The following SYNE2 variants were observed in gnomAD, a reference collection of about 807,000 sequenced individuals.
SYNE2 encodes the protein nesprin-2.
SYNE2 carries 431 observed loss-of-function variants against 856.3 expected under a neutral mutation model. The ratio of observed to expected loss-of-function variants is 0.50; its 90% CI spans 0.47 to 0.55. The LOEUF (loss-of-function observed/expected upper bound fraction) is 0.55, where lower values mean the gene tolerates loss of function less well. Ranked by LOEUF, SYNE2 falls within the 20% of genes least tolerant of loss-of-function variation. The pLI is 0.00. For missense variants in SYNE2, 8,129 were observed against 8,023.2 expected (o/e 1.01, Z -0.50); for synonymous variants, 2,923 against 2,872.3 (o/e 1.02, Z -0.56).
intron 1 of SYNE2, among the ~76,000 whole-genome samples, chr14:63,805,439 T>C (rs560909296): frequency 2.7e-4 from 41 of 152,214 alleles, no homozygotes; most frequent in Non-Finnish European, 4.3e-4. Context: ...CAGGCTGTAG[T>C]GCAGTGGCGC....
At chr14:63,773,630 T>C (rs1887003386) in intron 1 of SYNE2, among the ~76,000 whole-genome samples, 1 of 152,196 alleles carries the variant, frequency 6.6e-6, no homozygotes, top group African/African-American at 2.4e-5. Flanking sequence ...AGTGCAATCA[T>C]ACCATGCTAT....
intron 89 of SYNE2, among the ~76,000 whole-genome samples, chr14:64,164,357 G>A (rs552796521): frequency 6.6e-6 from 1 of 152,176 alleles, no homozygotes; most frequent in South Asian, 2.1e-4. Flanking sequence ...TGATCCACCT[G>A]CCTTGGCCTC....
rs1567409946 is a variant in SYNE2, at chr14:64,134,051, AT to A, written c.14515-17del. On this transcript the variant is annotated splice_polypyrimidine_tract_variant and intron_variant, in intron 77 of 115. Coordinates refer to ENST00000555002, the MANE Select transcript of SYNE2 (RefSeq NM_182914.3). ...CTGGTAAAGGGCTTCCACTAATTTTATGTCCTTGATTCTCTAGAAATGGGAA... is the reference window on the plus strand; with the variant it reads ...CTGGTAAAGGGCTTCCACTAATTTTAGTCCTTGATTCTCTAGAAATGGGAA... 5 of 1,613,748 alleles carry A rather than the reference AT, an allele frequency of 3.1e-6. No individual in the cohort carries two copies. In the South Asian group the frequency reaches 5.5e-5, roughly 18 times the overall value.
chr14:64,149,134 G>A (rs907591977), intron 84 of SYNE2, among the ~76,000 whole-genome samples: 11 of 150,036 alleles, frequency 7.3e-5, no homozygotes, highest in African/African-American at 2.2e-4. Flanking sequence ...ATAAGACCCA[G>A]TCTCTACCAA....
chr14:64,040,079 A>G lies in SYNE2; in HGVS notation c.7222-7921A>G, dbSNP rs576643520. Among the ~76,000 whole-genome samples the G allele has an allele frequency of 3.3e-5, 5 of 152,330 alleles. No homozygotes were observed. In the South Asian group the frequency reaches 6.2e-4, roughly 19 times the overall value. ...GAGCAGGTCTAGCCAAGAAATTAACATGACAATCAGTCTCTAATCTGTCTG... is the reference window on the plus strand; with the variant it reads ...GAGCAGGTCTAGCCAAGAAATTAACGTGACAATCAGTCTCTAATCTGTCTG... On this transcript the variant is annotated intron_variant, in intron 45 of 115. Coordinates refer to ENST00000555002, the MANE Select transcript of SYNE2 (RefSeq NM_182914.3).
At chr14:64,034,128 CAT>C (rs1428549396) in intron 45 of SYNE2, among the ~76,000 whole-genome samples, 2 of 152,158 alleles carry the variant, frequency 1.3e-5, no homozygotes, top group Admixed American at 6.5e-5. Flanking sequence ...TGACAAATGA[CAT>C]AACTGTGTTA....
intron 41 of SYNE2, 65 bp from the exon 42 acceptor site, chr14:64,026,514 G>T: frequency 7.9e-7 from 1 of 1,268,442 alleles, no homozygotes; most frequent in East Asian, 2.4e-5. Context: ...TACAAATAAA[G>T]AGATAGCATG....
At chr14:63,948,166 T>TACAC (rs59063086) in intron 6 of SYNE2, among the ~76,000 whole-genome samples, 3,101 of 147,306 alleles carry the variant, frequency 0.021, 71 homozygotes, top group African/African-American at 0.064. Context: ...GACACACACA[T>TACAC]ACACACACAC....
At chr14:64,171,627 C>G (rs2098411251) in intron 94 of SYNE2, among the ~76,000 whole-genome samples, 1 of 152,118 alleles carries the variant, frequency 6.6e-6, no homozygotes, top group Non-Finnish European at 1.5e-5. Flanking sequence ...AGGCTTACTC[C>G]AAGTCCCCAA....
chr14:64,215,539 T>A, intron 107 of SYNE2, 185 bp downstream of exon 107: 1 of 696,692 alleles, frequency 1.4e-6, no homozygotes, highest in Non-Finnish European at 2.6e-6. Flanking sequence ...CAAAACCCCA[T>A]CCAAGCCAGA....
At chr14:64,178,740 C>A (rs1202035824) in intron 96 of SYNE2, among the ~76,000 whole-genome samples, 1 of 152,128 alleles carries the variant, frequency 6.6e-6, no homozygotes, top group Non-Finnish European at 1.5e-5. Context: ...AGGCGCCCAG[C>A]CTGCTGTCAA....
In SYNE2 at chr14:64,210,107, G is replaced by A. The variant is rs113434745; in HGVS notation, c.18706G>A (p.Val6236Ile). 4.6e-5 allele frequency: 75 copies of A among 1,613,676 alleles called. 2 individuals carry two copies. Among genetic ancestry groups the A allele is most frequent in the African/African-American group, 3.5e-4 (26 of 75,038 alleles). Residue 6236 changes from valine to isoleucine, a missense_variant, in exon 103 of 116, where the codon GTC becomes ATC. This residue lies in a region of SYNE2 where 5,410 missense variants were observed against 5,284.8 expected (regional missense o/e 1.02). Transcript: ENST00000555002. ...WDNLQRRVTA[V>I]LRRLRHFTNQ... is the part of the protein sequence containing the mutation. ...CAACCTTCAGAGGCGGGTCACAGCCGTCCTGCGGAGACTCAGGGTGAGCTC... is the reference window on the plus strand; with the variant it reads ...CAACCTTCAGAGGCGGGTCACAGCCATCCTGCGGAGACTCAGGGTGAGCTC...
chr14:64,221,419 G>T (rs926349340), intron 111 of SYNE2, 157 bp from the exon 112 acceptor site: 9 of 1,329,522 alleles, frequency 6.8e-6, no homozygotes, highest in South Asian at 1.3e-5. Flanking sequence ...CTCATTTTGG[G>T]GCCCTGGCAT....
intron 99 of SYNE2, 138 bp from the exon 100 acceptor site, chr14:64,202,663 T>C (rs2098579436): frequency 1.7e-6 from 2 of 1,146,214 alleles, no homozygotes; most frequent in Non-Finnish European, 2.5e-6. Context: ...TGTTCTGATA[T>C]AAAATCAAAG....
intron 21 of SYNE2, among the ~76,000 whole-genome samples, chr14:63,991,966 T>G (rs540861162): frequency 6.6e-6 from 1 of 152,140 alleles, no homozygotes; most frequent in Non-Finnish European, 1.5e-5. Context: ...CAACCCTGTT[T>G]TGGCCTACTG....
rs758188083 is a variant in SYNE2 at position 63,954,839 on chromosome 14, C to G, written c.711C>G (p.Ser237=). 16 of 1,613,868 alleles carry G rather than the reference C, an allele frequency of 9.9e-6. No homozygotes were observed. Among genetic ancestry groups the G allele is most frequent in the Non-Finnish European group, 1.4e-5 (16 of 1,179,906 alleles). Residue 237 remains serine (S), a synonymous_variant, in exon 8 of 116, where the codon TCC becomes TCG. Coordinates refer to ENST00000555002, the MANE Select transcript of SYNE2 (RefSeq NM_182914.3). ...ACATGAAGAGTGTGAAGCATAGATC[C>G]AACAAAGACAATCTGAGAGAGGCCT... ...LIDMKSVKHR[S]NKDNLREAFR...
intron 96 of SYNE2, among the ~76,000 whole-genome samples, chr14:64,180,410 G>T (rs2098452458): frequency 1.3e-5 from 2 of 152,016 alleles, no homozygotes; most frequent in Admixed American, 1.3e-4. Flanking sequence ...GATTAACTTG[G>T]ATAATTATTT....
At chr14:64,038,669 G>C (rs1037670198) in intron 45 of SYNE2, among the ~76,000 whole-genome samples, 2 of 152,216 alleles carry the variant, frequency 1.3e-5, no homozygotes, top group African/African-American at 2.4e-5. Context: ...AGCGAAACCC[G>C]GTCTCCATCA....
intron 84 of SYNE2, among the ~76,000 whole-genome samples, chr14:64,148,762 G>A (rs1446425591): frequency 6.6e-6 from 1 of 152,058 alleles, no homozygotes; most frequent in Admixed American, 6.6e-5. Context: ...GGCTTCCCTA[G>A]CACCCCATGT....
Sources: allele counts gnomAD v4.1 joint callset (sites outside exome capture counted in the v4.1 genomes callset), GRCh38; gene constraint gnomAD v4.1.1; regional missense constraint gnomAD v4.1.1; transcripts MANE v1.5; gene names NCBI Gene and HGNC (gene_info 2026-07-23, HGNC 2026-07-21).